The following NRXN1 variants were observed in gnomAD, a reference collection of about 807,000 sequenced individuals.
The protein encoded by NRXN1 is neurexin-1.
In NRXN1, 39 loss-of-function variants were observed where a neutral mutation model predicts 150.9. The ratio of observed to expected loss-of-function variants is 0.26; its 90% CI spans 0.20 to 0.34. The LOEUF (loss-of-function observed/expected upper bound fraction) is 0.34. Ranked by LOEUF, NRXN1 falls within the 10% of genes least tolerant of loss-of-function variation. The probability of loss-of-function intolerance (pLI) is 1.00; values close to 1 mark genes in which losing one functional copy is unlikely to be tolerated. For missense variants in NRXN1, 1,815 were observed against 1,949.9 expected (o/e 0.93, Z 1.30); for synonymous variants, 924 against 757.0 (o/e 1.22, Z -3.62).
At chr2:50,464,320 G>C (rs1344899358) in intron 17 of NRXN1, 1 of 151,760 alleles carries the variant, frequency 6.6e-6, no homozygotes, top group Admixed American at 6.6e-5. Context: ...TGTATTGGTT[G>C]TGCGTTTTTC....
In NRXN1 at chr2:50,996,663, AG is replaced by A. The variant is rs148005870; in HGVS notation, c.772+30838del. ...AAGACGAAAAGCTTAGACTTCCACC[AG>A]GGAAACCTCCATATTACATAAATGG... On this transcript the variant is annotated intron_variant, in intron 2 of 22. Transcript: ENST00000401669. Among the ~76,000 whole-genome samples, 1,047 of 152,128 alleles carry A rather than the reference AG, an allele frequency of 6.9e-3. 7 individuals are homozygous for A. Among genetic ancestry groups the A allele is most frequent in the African/African-American group, 0.024 (987 of 41,520 alleles).
At chr2:50,730,725 T>A (rs1005773205) in intron 5 of NRXN1, among the ~76,000 whole-genome samples, 1 of 139,160 alleles carries the variant, frequency 7.2e-6, no homozygotes, top group Non-Finnish European at 1.5e-5. Context: ...CAGGCTGGAG[T>A]GCAGTGGCGC....
intron 18 of NRXN1, among the ~76,000 whole-genome samples, chr2:50,103,995 T>C (rs1261205712): frequency 6.6e-6 from 1 of 152,036 alleles, no homozygotes; most frequent in Non-Finnish European, 1.5e-5. Flanking sequence ...GTTAGCTGTT[T>C]CCTTGCCTTC....
chr2:50,643,334 A>C (rs1684335710), intron 5 of NRXN1, among the ~76,000 whole-genome samples: 1 of 151,958 alleles, frequency 6.6e-6, no homozygotes, highest in African/African-American at 2.4e-5. Flanking sequence ...CTCAGAGGTT[A>C]ATGAGTTGAC....
intron 12 of NRXN1, among the ~76,000 whole-genome samples, chr2:50,520,107 T>C (rs901983087): frequency 1.3e-5 from 2 of 151,984 alleles, no homozygotes; most frequent in Non-Finnish European, 2.9e-5. Flanking sequence ...CCAAGTATTA[T>C]GTGCTATAAG....
At chr2:50,712,271 C>T (rs2105052458) in intron 5 of NRXN1, among the ~76,000 whole-genome samples, 1 of 152,194 alleles carries the variant, frequency 6.6e-6, no homozygotes, top group African/African-American at 2.4e-5. Flanking sequence ...AAAGTCTTCC[C>T]TTTCCTTTCC....
intron 18 of NRXN1, among the ~76,000 whole-genome samples, chr2:50,204,887 C>T (rs2152837365): frequency 6.6e-6 from 1 of 152,120 alleles, no homozygotes; most frequent in African/African-American, 2.4e-5. Context: ...ATTACTATTA[C>T]TACTACTATT....
intron 17 of NRXN1, among the ~76,000 whole-genome samples, chr2:50,239,695 T>TATATATTTATGACAGAA (rs1559151244): frequency 2.6e-5 from 3 of 113,596 alleles, no homozygotes; most frequent in African/African-American, 1.2e-4. Flanking sequence ...TATATATATA[T>TATATATTTATGACAGAA]ATATATATAT....
At chr2:50,480,322 A>T (rs2090367649) in intron 15 of NRXN1, among the ~76,000 whole-genome samples, 5 of 152,264 alleles carry the variant, frequency 3.3e-5, no homozygotes, top group Admixed American at 3.3e-4. Flanking sequence ...CTCCAATTAA[A>T]ATATGTACAA....
chr2:50,868,009 T>A (rs1677181380), intron 5 of NRXN1, among the ~76,000 whole-genome samples: 1 of 151,376 alleles, frequency 6.6e-6, no homozygotes, highest in Admixed American at 6.6e-5. Flanking sequence ...TTCATTACTA[T>A]TTCTTTTAAT....
At chr2:50,299,019 C>T (rs1223448352) in intron 17 of NRXN1, among the ~76,000 whole-genome samples, 2 of 152,088 alleles carry the variant, frequency 1.3e-5, no homozygotes, top group African/African-American at 2.4e-5. Context: ...GGAGAAAATG[C>T]CATCCTTTTA....
At chr2:50,827,187 CTG>C (rs1670573650) in intron 5 of NRXN1, among the ~76,000 whole-genome samples, 1 of 152,154 alleles carries the variant, frequency 6.6e-6, no homozygotes, top group African/African-American at 2.4e-5. Flanking sequence ...CTGGAAGAAA[CTG>C]TTGAGGTCGA....
At chr2:50,861,948 T>C (rs1251674200) in intron 5 of NRXN1, among the ~76,000 whole-genome samples, 2 of 152,042 alleles carry the variant, frequency 1.3e-5, no homozygotes, top group Admixed American at 1.3e-4. Flanking sequence ...ACACCTGTAA[T>C]CCCAGCAATT....
intron 13 of NRXN1, among the ~76,000 whole-genome samples, chr2:50,500,358 T>A (rs571764035): frequency 3.9e-5 from 6 of 151,916 alleles, no homozygotes; most frequent in Non-Finnish European, 7.4e-5. Context: ...AAAAAAAAAA[T>A]ATAATTACAG....
At chr2:50,753,360 G>A (rs1700819672) in intron 5 of NRXN1, among the ~76,000 whole-genome samples, 1 of 151,872 alleles carries the variant, frequency 6.6e-6, no homozygotes, top group Middle Eastern at 3.2e-3. Flanking sequence ...GATGTGTTGA[G>A]CATGTTGAAC....
chr2:50,569,649 G>A (rs549462265), intron 8 of NRXN1, among the ~76,000 whole-genome samples: 37 of 152,006 alleles, frequency 2.4e-4, no homozygotes, highest in Admixed American at 7.2e-4. Flanking sequence ...ATATTCACCC[G>A]TCTACAGGCC....
At chr2:50,112,357 T>A (rs1373927457) in intron 18 of NRXN1, among the ~76,000 whole-genome samples, 1 of 152,160 alleles carries the variant, frequency 6.6e-6, no homozygotes, top group African/African-American at 2.4e-5. Flanking sequence ...AGGCAAACAA[T>A]CCAGGTTTCT....
chr2:51,027,394 C>A (rs1034174723), intron 2 of NRXN1, 108 bp downstream of exon 2: 4 of 1,174,796 alleles, frequency 3.4e-6, no homozygotes, highest in Non-Finnish European at 4.5e-6. Context: ...TCGAAGCGAA[C>A]TGCCACACGT....
intron 17 of NRXN1, among the ~76,000 whole-genome samples, chr2:50,402,277 G>T (rs1040755120): frequency 5.9e-5 from 9 of 152,004 alleles, no homozygotes; most frequent in African/African-American, 2.2e-4. Flanking sequence ...GGATACAAGA[G>T]AAATCATTTT....
Sources: allele counts gnomAD v4.1 joint callset (sites outside exome capture counted in the v4.1 genomes callset), GRCh38; gene constraint gnomAD v4.1.1; transcripts MANE v1.5; gene names NCBI Gene and HGNC (gene_info 2026-07-23, HGNC 2026-07-21).